Variants in POPDC1 observed in about 807,000 individuals in gnomAD.
POPDC1 encodes popeye domain-containing protein 1.
the POPDC1 span, chr6:105,116,890 A>G: frequency 6.2e-7 from 1 of 1,606,210 alleles, no homozygotes; most frequent in Admixed American, 1.7e-5. Flanking sequence ...ACAAGCATGC[A>G]AAGAATAAAG....
the POPDC1 span, chr6:105,125,591 A>C: frequency 6.2e-7 from 1 of 1,613,220 alleles, no homozygotes; most frequent in Non-Finnish European, 8.5e-7. Flanking sequence ...GAAATGCAGC[A>C]ATGACTAGAT....
At chr6:105,109,625 C>A in the POPDC1 span, among the ~76,000 whole-genome samples, 33 of 151,748 alleles carry the variant, frequency 2.2e-4, no homozygotes, top group African/African-American at 6.8e-4. Context: ...ATAGTCCCAG[C>A]TACTCAGAAG....
the POPDC1 span, chr6:105,129,559 C>T: frequency 7.1e-6 from 11 of 1,541,570 alleles, no homozygotes; most frequent in African/African-American, 8.3e-5. Context: ...AAGTGGGGAG[C>T]TTAATAAATT....
At chr6:105,127,167 A>G in the POPDC1 span, among the ~76,000 whole-genome samples, 1 of 152,190 alleles carries the variant, frequency 6.6e-6, no homozygotes, top group Non-Finnish European at 1.5e-5. Context: ...CAGTGCTCCT[A>G]CTTGTCCTGC....
At chr6:105,112,756 G>A in the POPDC1 span, among the ~76,000 whole-genome samples, 5 of 152,086 alleles carry the variant, frequency 3.3e-5, no homozygotes, top group East Asian at 1.9e-4. Context: ...ACTCTAGGTG[G>A]ACTCATCTGC....
chr6:105,130,072 T>C, the POPDC1 span, among the ~76,000 whole-genome samples: 6 of 152,074 alleles, frequency 3.9e-5, no homozygotes, highest in Non-Finnish European at 7.4e-5. Flanking sequence ...AAATACAAAG[T>C]TTAAAAATAT....
At chr6:105,131,334 T>TA in the POPDC1 span, among the ~76,000 whole-genome samples, 1 of 152,206 alleles carries the variant, frequency 6.6e-6, no homozygotes, top group Non-Finnish European at 1.5e-5. Flanking sequence ...AATGGGAGGA[T>TA]AGAGAAAAAC....
chr6:105,131,983 T>C, the POPDC1 span, among the ~76,000 whole-genome samples: 2 of 150,728 alleles, frequency 1.3e-5, no homozygotes. Flanking sequence ...TTTTTTTTTT[T>C]TGAGGCAGAG....
the POPDC1 span, among the ~76,000 whole-genome samples, chr6:105,124,367 G>T: frequency 7.4e-6 from 1 of 134,638 alleles, no homozygotes; most frequent in Non-Finnish European, 1.5e-5. Flanking sequence ...GGGCGACAGT[G>T]CAAGACTCCG....
chr6:105,098,713 G>A, the POPDC1 span: 1 of 152,198 alleles, frequency 6.6e-6, no homozygotes, highest in Non-Finnish European at 1.5e-5. Flanking sequence ...GTGCTCTCAG[G>A]TACAGGGCGA....
the POPDC1 span, among the ~76,000 whole-genome samples, chr6:105,132,025 G>A: frequency 6.6e-6 from 1 of 151,066 alleles, no homozygotes; most frequent in Non-Finnish European, 1.5e-5. Context: ...GAGTGCAGTG[G>A]CACAATCTTG....
chr6:105,113,831 T>TTTTTA, the POPDC1 span, among the ~76,000 whole-genome samples: 2 of 146,902 alleles, frequency 1.4e-5, no homozygotes, highest in Non-Finnish European at 1.5e-5. Flanking sequence ...TTTTTTTTTT[T>TTTTTA]ATAGAGACAA....
At chr6:105,101,058 T>C in the POPDC1 span, 5 of 1,585,150 alleles carry the variant, frequency 3.2e-6, no homozygotes, top group Admixed American at 9.2e-5. Flanking sequence ...CAAGACACCT[T>C]CCGTCTTGGT....
At chr6:105,124,436 A>T in the POPDC1 span, 1 of 750,468 alleles carries the variant, frequency 1.3e-6, no homozygotes, top group Non-Finnish European at 2.3e-6. Flanking sequence ...GCCCTATGGT[A>T]ACTTGTTTTT....
At chr6:105,124,576 T>C in the POPDC1 span, 7 of 1,611,446 alleles carry the variant, frequency 4.3e-6, no homozygotes, top group Admixed American at 1.7e-5. Flanking sequence ...TGCATCTGAG[T>C]TGATCTAAAT....
the POPDC1 span, among the ~76,000 whole-genome samples, chr6:105,114,735 T>C: frequency 8.6e-4 from 131 of 152,370 alleles, no homozygotes; most frequent in African/African-American, 2.9e-3. Flanking sequence ...TCTGGGTTAT[T>C]TGTGTTACTT....
the POPDC1 span, among the ~76,000 whole-genome samples, chr6:105,124,385 C>CAAAAAAAA: frequency 2.8e-4 from 23 of 81,780 alleles, 1 homozygote; most frequent in Non-Finnish European, 3.2e-4. Context: ...CCGTCTCAAA[C>CAAAAAAAA]AAAAAAAAAA....
the POPDC1 span, among the ~76,000 whole-genome samples, chr6:105,105,913 G>C: frequency 6.6e-6 from 1 of 152,156 alleles, no homozygotes; most frequent in Non-Finnish European, 1.5e-5. Context: ...GATCTCTGTA[G>C]AATGCTTTAC....
the POPDC1 span, among the ~76,000 whole-genome samples, chr6:105,132,342 T>C: frequency 6.6e-6 from 1 of 152,190 alleles, no homozygotes. Flanking sequence ...CTGTGCTCTT[T>C]GTTTGGATAC....
Sources: gnomAD v4.1 joint callset for allele counts (sites outside exome capture counted in the v4.1 genomes callset) on GRCh38, gnomAD v4.1.1 for gene constraint, MANE v1.5 for transcripts, NCBI Gene and HGNC (gene_info 2026-07-23, HGNC 2026-07-21) for gene names.